ACBD6: variants seen among roughly 807,000 people sequenced by gnomAD.
The protein encoded by ACBD6 is acyl-CoA-binding domain-containing protein 6.
ACBD6 carries 28 observed loss-of-function variants against 37.2 expected under a neutral mutation model. The observed-to-expected ratio is 0.75, with a 90% CI of 0.56 to 1.03. ACBD6 has a LOEUF of 1.03. ACBD6 is among the 50% of genes least tolerant of loss of function. The pLI, the probability that ACBD6 is intolerant of heterozygous loss-of-function variation, is 0.00. For missense variants in ACBD6, 340 were observed against 337.4 expected (o/e 1.01, Z -0.06); for synonymous variants, 113 against 126.8 (o/e 0.89, Z 0.73).
At chr1:180,271,759 C>T (rs1349575608) in exon 14 of ACBD6, 2 of 1,553,970 alleles carry the variant, frequency 1.3e-6, no homozygotes, top group South Asian at 2.2e-5. Context: ...CTTCCAGCCG[C>T]CCGCCTAGGG....
intron 3 of ACBD6, among the ~76,000 whole-genome samples, chr1:180,466,808 T>C (rs7528650): frequency 0.49 from 73,734 of 151,826 alleles, 20,736 homozygotes; most frequent in South Asian, 0.66. Flanking sequence ...TCCCTGTCTG[T>C]GAAAAAGGAG....
At chr1:180,290,986 T>C (rs1433366144) in intron 7 of ACBD6, among the ~76,000 whole-genome samples, 1 of 152,248 alleles carries the variant, frequency 6.6e-6, no homozygotes, top group Non-Finnish European at 1.5e-5. Context: ...GTTTTGTCTT[T>C]TTCCAGAAAT....
intron 6 of ACBD6, among the ~76,000 whole-genome samples, chr1:180,328,704 T>C (rs1178037775): frequency 1.3e-5 from 2 of 152,162 alleles, no homozygotes; most frequent in African/African-American, 4.8e-5. Flanking sequence ...AATTTTGAGT[T>C]AGTAATATAG....
At chr1:180,392,800 C>T (rs898896701) in intron 6 of ACBD6, among the ~76,000 whole-genome samples, 1 of 151,886 alleles carries the variant, frequency 6.6e-6, no homozygotes, top group African/African-American at 2.4e-5. Flanking sequence ...CACAGACAGG[C>T]ACAAGGTATT....
chr1:180,469,593 T>C (rs978306364), intron 3 of ACBD6, among the ~76,000 whole-genome samples: 2 of 152,192 alleles, frequency 1.3e-5, no homozygotes, highest in African/African-American at 4.8e-5. Flanking sequence ...ATTTTCCAAC[T>C]CTAAATTAAA....
chr1:180,461,716 A>G (rs1650154783), intron 3 of ACBD6, among the ~76,000 whole-genome samples: 1 of 152,216 alleles, frequency 6.6e-6, no homozygotes, highest in Admixed American at 6.5e-5. Context: ...GTAAATGCTA[A>G]GGGACTTCGT....
downstream of ACBD6, among the ~76,000 whole-genome samples, chr1:180,284,502 T>C (rs1409805728): frequency 6.6e-6 from 1 of 152,024 alleles, no homozygotes; most frequent in Non-Finnish European, 1.5e-5. Flanking sequence ...TAGCTGGGAC[T>C]TACAGGCATG....
At chr1:180,302,583 A>C (rs2149284527) in intron 7 of ACBD6, among the ~76,000 whole-genome samples, 1 of 152,094 alleles carries the variant, frequency 6.6e-6, no homozygotes, top group East Asian at 1.9e-4. Flanking sequence ...ATCTTCCTTC[A>C]TCCCTTTATT....
rs183477394 is a variant in ACBD6, at chr1:180,394,826, T to A, written c.663+2690A>T. 2.0e-5 allele frequency among the ~76,000 whole-genome samples: 3 copies of A among 152,088 alleles called. No homozygotes were observed. The East Asian group carries it at 5.8e-4, about 29-fold the overall frequency. On this transcript the variant is annotated intron_variant, in intron 6 of 7. Transcript: ENST00000367595. ...TACATACATAGGATACATATATCAA[T>A]TATAGATGAGTTGATAAAAACCACG...
intron 4 of ACBD6, among the ~76,000 whole-genome samples, chr1:180,426,767 C>A (rs145500286): frequency 1.3e-5 from 2 of 152,132 alleles, no homozygotes; most frequent in Non-Finnish European, 2.9e-5. Context: ...AGGTACTGTT[C>A]GAGGATGTCT....
chr1:180,469,643 C>T (rs916228514), intron 3 of ACBD6, among the ~76,000 whole-genome samples: 3 of 152,086 alleles, frequency 2.0e-5, no homozygotes, highest in African/African-American at 4.8e-5. Context: ...CCGTAAGAAT[C>T]GAGGTTTGCC....
At chr1:180,413,245 T>G in intron 5 of ACBD6, 121 bp downstream of exon 5, 1 of 752,288 alleles carries the variant, frequency 1.3e-6, no homozygotes, top group South Asian at 1.4e-5. Context: ...TTAGATATTC[T>G]GATATACTCT....
At chr1:180,325,815 A>G (rs1170913926) in intron 6 of ACBD6, among the ~76,000 whole-genome samples, 3 of 152,222 alleles carry the variant, frequency 2.0e-5, no homozygotes, top group Non-Finnish European at 4.4e-5. Context: ...TAAGATCCAG[A>G]AGAATTATCT....
chr1:180,350,411 T>C (rs1652364204), intron 6 of ACBD6, among the ~76,000 whole-genome samples: 1 of 23,256 alleles, frequency 4.3e-5, no homozygotes, highest in African/African-American at 1.8e-4. Flanking sequence ...GAGAAATCGA[T>C]CTATATTTTC....
At chr1:180,358,344 T>C (rs1258290703) in intron 6 of ACBD6, among the ~76,000 whole-genome samples, 1 of 152,100 alleles carries the variant, frequency 6.6e-6, no homozygotes, top group African/African-American at 2.4e-5. Context: ...GGAGAATTGC[T>C]TGAACCCAGG....
chr1:180,271,131 G>A, exon 14 of ACBD6: 2 of 564,626 alleles, frequency 3.5e-6, no homozygotes, highest in East Asian at 3.1e-5. Context: ...TGGCAGGGGA[G>A]GGTTGAGGCA....
chr1:180,416,459 CCTTT>C (rs1312960926), intron 4 of ACBD6, among the ~76,000 whole-genome samples: 1 of 152,086 alleles, frequency 6.6e-6, no homozygotes. Context: ...TCTTTATTTT[CCTTT>C]CTTGATTTTT....
At chr1:180,419,572 A>T (rs908638398) in intron 4 of ACBD6, among the ~76,000 whole-genome samples, 8 of 152,220 alleles carry the variant, frequency 5.3e-5, no homozygotes, top group Non-Finnish European at 7.3e-5. Flanking sequence ...GACCCCCTGC[A>T]TAGTCAAAAA....
intron 3 of ACBD6, among the ~76,000 whole-genome samples, chr1:180,439,114 T>A (rs1649177591): frequency 6.6e-6 from 1 of 152,244 alleles, no homozygotes; most frequent in African/African-American, 2.4e-5. Context: ...CATTTCTTTT[T>A]AAAAATTTTA....
Sources: gnomAD v4.1 joint callset for allele counts (sites outside exome capture counted in the v4.1 genomes callset) on GRCh38, gnomAD v4.1.1 for gene constraint, MANE v1.5 for transcripts, NCBI Gene and HGNC (gene_info 2026-07-23, HGNC 2026-07-21) for gene names.